FMO2: variants seen among roughly 807,000 people sequenced by gnomAD.
The protein encoded by FMO2 is flavin-containing monooxygenase 2.
A neutral mutation model predicts 41.6 loss-of-function variants in FMO2; 33 were observed. The ratio of observed to expected loss-of-function variants is 0.79; its 90% CI spans 0.60 to 1.06. The LOEUF is 1.06. Among genes scored for constraint, FMO2 ranks in the 50% least tolerant of loss-of-function variants. The pLI, the probability that FMO2 is intolerant of heterozygous loss-of-function variation, is 0.00. For missense variants in FMO2, 619 were observed against 632.9 expected, an observed-to-expected ratio of 0.98 and a Z score of 0.23; for synonymous variants, 214 against 219.6, an observed-to-expected ratio of 0.97 and a Z score of 0.23.
At chr1:171,206,882 A>C (rs752281788) in intron 7 of FMO2, among the ~76,000 whole-genome samples, 2 of 152,230 alleles carry the variant, frequency 1.3e-5, no homozygotes, top group Non-Finnish European at 2.9e-5. Context: ...CATAAATGTG[A>C]GAAATCATTA....
rs776073692 is a variant in FMO2, at chr1:171,193,431, G to T, written c.229G>T (p.Asp77Tyr). The T allele has an allele frequency of 4.0e-5, 65 of 1,612,658 alleles. No homozygotes were observed. The highest frequency in any genetic ancestry group is 4.2e-5 in the Non-Finnish European group (50 of 1,178,916). Residue 77 changes from aspartate to tyrosine, a missense_variant, in exon 3 of 9, where the codon GAT (aspartate) becomes TAT (tyrosine). Asp to Tyr is a radical substitution (Grantham distance 160). Coordinates refer to ENST00000209929, the MANE Select transcript of FMO2 (RefSeq NM_001460.5). ...SCFSDFPMPE[D>Y]FPNFLHNSKL... Reference sequence around the variant, plus strand: ...TTTCAGTGACTTTCCAATGCCTGAAGATTTTCCAAACTTCCTGCATAATTC... The same window carrying T: ...TTTCAGTGACTTTCCAATGCCTGAATATTTTCCAAACTTCCTGCATAATTC...
At position 171,204,081 on chromosome 1, in the gene FMO2, T is replaced by G; in HGVS notation, c.827+17T>G. Reference sequence around the variant, plus strand: ...TCAAAACAAGTAGAGTTATTTTGCTTTTTTAATGGTATACTCGTTGGTGAG... The same window carrying G: ...TCAAAACAAGTAGAGTTATTTTGCTGTTTTAATGGTATACTCGTTGGTGAG... On this transcript the variant is annotated intron_variant, in intron 6 of 8. Coordinates refer to ENST00000209929, the MANE Select transcript of FMO2 (RefSeq NM_001460.5). 6.3e-7 allele frequency: 1 copy of G among 1,598,318 alleles called. No homozygotes were observed. Among genetic ancestry groups the G allele is most frequent in the Non-Finnish European group, 8.6e-7 (1 of 1,165,934 alleles).
In FMO2 at chr1:171,208,839, C is replaced by CAAA; in HGVS notation, c.1302_1303insAAA (p.Asp434_Tyr435insLys). ...AGACGTTGCAGACCAATTATGTTGA[C>CAAA]TACTTGGACGAGCTCGCCTTAGAGA... is the stretch of plus-strand genomic sequence containing the variant. On this transcript the variant is annotated inframe_insertion, in exon 9 of 9. Coordinates refer to ENST00000209929, the MANE Select transcript of FMO2 (RefSeq NM_001460.5). 6.2e-7 allele frequency: 1 copy of CAAA among 1,613,958 alleles called. No individual in the cohort carries two copies. The highest frequency in any genetic ancestry group is 2.2e-5 in the East Asian group (1 of 44,878).
chr1:171,203,250 G>C (rs1658607645), intron 5 of FMO2, among the ~76,000 whole-genome samples: 1 of 151,828 alleles, frequency 6.6e-6, no homozygotes. Context: ...ACTTGAGCCT[G>C]GGAGGTCGAG....
At position 171,210,504 on chromosome 1, in the gene FMO2, T is replaced by C. The variant is rs568994433; in HGVS notation, c.*1359T>C. 39 of 152,348 alleles carry C rather than the reference T, an allele frequency of 2.6e-4. No homozygotes were observed. The highest frequency in any genetic ancestry group is 8.9e-4 in the African/African-American group (37 of 41,584). The allele number at this position is 152,348 out of a possible 1,614,324, so 9.4% of individuals were successfully genotyped here. A position where few individuals can be genotyped will look rare whatever the true frequency, so the allele number is the denominator to read the frequency against. Reference sequence around the variant, plus strand: ...ACAAACAAAAGCAATTCAATGTCAATAGACATTAAGCAACATAATAGACAA... The same window carrying C: ...ACAAACAAAAGCAATTCAATGTCAACAGACATTAAGCAACATAATAGACAA... On this transcript the variant is annotated 3_prime_UTR_variant, in exon 9 of 9. Transcript: ENST00000209929.
Position 171,200,792 on chromosome 1 carries a change from C to A in FMO2, c.627+1304C>A, listed in dbSNP as rs1033280053. Among the ~76,000 whole-genome samples the A allele has an allele frequency of 2.0e-5, 3 of 152,184 alleles. No homozygotes were observed. In the South Asian group the frequency reaches 6.2e-4, roughly 32 times the overall value. ...TGAAGAACAAGTGAGGAGGCAGGAA[C>A]TGTGACAGCCTGGAGAAGAGCAGAG... On this transcript the variant is annotated intron_variant, in intron 5 of 8. Coordinates refer to ENST00000209929, the MANE Select transcript of FMO2 (RefSeq NM_001460.5).
At position 171,199,330 on chromosome 1, in the gene FMO2, C is replaced by T; in HGVS notation, c.485-16C>T. 6.4e-7 allele frequency: 1 copy of T among 1,563,786 alleles called. No individual in the cohort carries two copies. ...TGCTCTGGAGCTCACAGACTTCTCT[C>T]TTCTTCCCCCTGAAGGTATGGAGAG... On this transcript the variant is annotated splice_polypyrimidine_tract_variant and intron_variant, in intron 4 of 8. Transcript: ENST00000209929.
Position 171,205,429 on chromosome 1 carries a change from T to C in FMO2, c.978T>C (p.Ile326=), listed in dbSNP as rs1325551821. 2.5e-5 allele frequency: 41 copies of C among 1,613,946 alleles called. No homozygotes were observed. The highest frequency in any genetic ancestry group is 3.1e-5 in the Non-Finnish European group (36 of 1,179,910). Residue 326 remains isoleucine (I), a synonymous_variant, in exon 7 of 9, where the codon ATT becomes ATC. Coordinates refer to ENST00000209929, the MANE Select transcript of FMO2 (RefSeq NM_001460.5). ...TGGAGGAGAACATTGATGTCATCAT[T>C]TTTGCAACAGGATATAGTTTCTCTT... is the stretch of plus-strand genomic sequence containing the variant. ...GTVEENIDVI[I]FATGYSFSFP...
Position 171,211,743 on chromosome 1 carries a change from T to C in FMO2, c.*2598T>C, listed in dbSNP as rs1008113565. On this transcript the variant is annotated 3_prime_UTR_variant, in exon 9 of 9. Coordinates refer to ENST00000209929, the MANE Select transcript of FMO2 (RefSeq NM_001460.5). The stretch of plus-strand genomic sequence containing the variant: ...ACATCAAACTATCCCAGGAAAACCA[T>C]CTAGAGTAGTTTGTTTCAAAATATT... Among the ~76,000 whole-genome samples, 1 of 152,126 alleles carries C rather than the reference T, an allele frequency of 6.6e-6. No individual in the cohort carries two copies. The highest frequency in any genetic ancestry group is 1.5e-5 in the Non-Finnish European group (1 of 68,012).
intron 5 of FMO2, among the ~76,000 whole-genome samples, chr1:171,201,431 T>C (rs1571286132): frequency 6.6e-6 from 1 of 152,270 alleles, no homozygotes; most frequent in South Asian, 2.1e-4. Flanking sequence ...CACAGAGTAA[T>C]ATACTCTCAA....
In FMO2 at chr1:171,198,427, A is replaced by G. The variant is rs572642683; in HGVS notation, c.485-919A>G. Reference sequence around the variant, plus strand: ...GATAAGTGATTTTTTTTTTTTTTTGAGATGGAGTCTCACTGTCACCCAGAC... The same window carrying G: ...GATAAGTGATTTTTTTTTTTTTTTGGGATGGAGTCTCACTGTCACCCAGAC... On this transcript the variant is annotated intron_variant, in intron 4 of 8. Coordinates refer to ENST00000209929, the MANE Select transcript of FMO2 (RefSeq NM_001460.5). Among the ~76,000 whole-genome samples the G allele has an allele frequency of 1.7e-4, 23 of 137,624 alleles. No individual in the cohort carries two copies. The East Asian group carries it at 4.8e-3, about 29-fold the overall frequency. The allele number at this position is 137,624 out of a possible 152,430, so 90.3% of individuals were successfully genotyped here.
At chr1:171,203,357 AC>A (rs2102007613) in intron 5 of FMO2, among the ~76,000 whole-genome samples, 2 of 151,598 alleles carry the variant, frequency 1.3e-5, no homozygotes, top group South Asian at 4.2e-4. Context: ...ACACACACAC[AC>A]AAAATAAAGT....
At chr1:171,199,564 A>C in intron 5 of FMO2, 76 bp downstream of exon 5, 5 of 1,401,426 alleles carry the variant, frequency 3.6e-6, no homozygotes, top group Middle Eastern at 2.3e-4. Flanking sequence ...CCAGCCATAT[A>C]ATCGCGGCTC....
At chr1:171,197,650 A>G (rs1476030983) in intron 4 of FMO2, among the ~76,000 whole-genome samples, 2 of 152,182 alleles carry the variant, frequency 1.3e-5, no homozygotes, top group African/African-American at 4.8e-5. Context: ...CAGTATGAAG[A>G]GGTGGGGCCT....
chr1:171,187,361 G>A (rs1271970876), intron 2 of FMO2, among the ~76,000 whole-genome samples: 2 of 152,232 alleles, frequency 1.3e-5, no homozygotes, highest in Middle Eastern at 3.4e-3. Flanking sequence ...CTCACTGCAG[G>A]CTGACTAGTT....
intron 5 of FMO2, among the ~76,000 whole-genome samples, chr1:171,203,616 A>G (rs978385602): frequency 1.1e-4 from 16 of 152,294 alleles, no homozygotes; most frequent in African/African-American, 3.6e-4. Context: ...GGATTTTATC[A>G]TCAGAGTTAG....
chr1:171,190,840 C>A (rs1176992460), intron 2 of FMO2, among the ~76,000 whole-genome samples: 4 of 152,118 alleles, frequency 2.6e-5, no homozygotes, highest in Non-Finnish European at 4.4e-5. Context: ...TACCAATTAA[C>A]CCAACAATAA....
Position 171,185,855 on chromosome 1 carries a change from AT to A in FMO2, c.132+14del. 6.2e-7 allele frequency: 1 copy of A among 1,613,246 alleles called. No individual in the cohort carries two copies. Among genetic ancestry groups the A allele is most frequent in the Non-Finnish European group, 8.5e-7 (1 of 1,179,438 alleles). ...AGTGTGGAGGTTCAAAGTAAGTGAGATTTTCTTGGGTCTTGAACAGGTTGTG... is the reference window on the plus strand; with the variant it reads ...AGTGTGGAGGTTCAAAGTAAGTGAGATTTCTTGGGTCTTGAACAGGTTGTG... On this transcript the variant is annotated intron_variant, in intron 2 of 8. Coordinates refer to ENST00000209929, the MANE Select transcript of FMO2 (RefSeq NM_001460.5).
rs1658651729 is a variant in FMO2 at position 171,204,031 on chromosome 1, A to G, written c.794A>G (p.Asn265Ser). 2 of 1,613,674 alleles carry G rather than the reference A, an allele frequency of 1.2e-6. No individual in the cohort carries two copies. The highest frequency in any genetic ancestry group is 1.7e-6 in the Non-Finnish European group (2 of 1,179,704). ...MIEQQMNRWF[N>S]HENYGLEPQN... The stretch of plus-strand genomic sequence containing the variant: ...GAACAACAGATGAATCGGTGGTTCA[A>G]CCATGAAAATTATGGCCTTGAGCCT... The change falls in exon 6 of 9, where the codon AAC becomes AGC. Residue 265 changes from asparagine to serine, a missense_variant. By Grantham distance (46) the Asn-to-Ser change is conservative. Transcript: ENST00000209929.
Sources: gnomAD v4.1 joint callset for allele counts (sites outside exome capture counted in the v4.1 genomes callset) on GRCh38, gnomAD v4.1.1 for gene constraint, MANE v1.5 for transcripts, NCBI Gene and HGNC (gene_info 2026-07-23, HGNC 2026-07-21) for gene names.